The following TBC1D19 variants were observed in gnomAD, a reference collection of about 807,000 sequenced individuals.
TBC1D19 encodes TBC1 domain family member 19.
Under a neutral mutation model 89.0 loss-of-function variants are expected in TBC1D19, and 60 were observed. That is an observed-to-expected ratio of 0.67 (90% confidence interval 0.55 to 0.84). The LOEUF is 0.84. Ranked by LOEUF, TBC1D19 falls within the 40% of genes least tolerant of loss-of-function variation. TBC1D19 has a pLI of 0.00. For synonymous variants in TBC1D19, 189 were observed against 199.7 expected (o/e 0.95, Z 0.45); for missense variants, 500 against 610.8 (o/e 0.82, Z 1.91).
intron 13 of TBC1D19, among the ~76,000 whole-genome samples, chr4:26,698,072 G>A (rs1714972017): frequency 6.6e-6 from 1 of 152,142 alleles, no homozygotes; most frequent in South Asian, 2.1e-4. Flanking sequence ...AAGTCAAATT[G>A]CCCCTGTTTG....
At chr4:26,696,575 A>G (rs1210645372) in intron 13 of TBC1D19, among the ~76,000 whole-genome samples, 1 of 152,156 alleles carries the variant, frequency 6.6e-6, no homozygotes, top group Non-Finnish European at 1.5e-5. Context: ...GCACCACATC[A>G]CACTTATTCC....
chr4:26,703,775 A>C (rs1715513202), intron 13 of TBC1D19, among the ~76,000 whole-genome samples: 1 of 151,698 alleles, frequency 6.6e-6, no homozygotes, highest in Non-Finnish European at 1.5e-5. Flanking sequence ...AACATGGTGA[A>C]ACCCCATCTC....
At chr4:26,839,037 C>T in the TBC1D19 span, among the ~76,000 whole-genome samples, 2 of 152,150 alleles carry the variant, frequency 1.3e-5, no homozygotes, top group South Asian at 2.1e-4. Flanking sequence ...ATTCAACAAT[C>T]GAATGGAGGA....
chr4:26,704,341 T>C (rs1042436656), intron 13 of TBC1D19, among the ~76,000 whole-genome samples: 6 of 152,164 alleles, frequency 3.9e-5, no homozygotes, highest in African/African-American at 1.4e-4. Flanking sequence ...CCAAAGTATA[T>C]AAGATATTCA....
the TBC1D19 span, among the ~76,000 whole-genome samples, chr4:26,794,325 C>A: frequency 2.3e-3 from 354 of 151,020 alleles, 2 homozygotes; most frequent in Non-Finnish European, 3.8e-3. Flanking sequence ...ATTAGTAAGA[C>A]AAAATCAAAC....
chr4:26,731,515 G>A (rs1270990897), intron 15 of TBC1D19, among the ~76,000 whole-genome samples: 1 of 152,130 alleles, frequency 6.6e-6, no homozygotes, highest in Non-Finnish European at 1.5e-5. Context: ...TGACTAGGGA[G>A]GTGGTGAGTC....
chr4:26,761,649 A>C, the TBC1D19 span, among the ~76,000 whole-genome samples: 1 of 152,166 alleles, frequency 6.6e-6, no homozygotes, highest in Admixed American at 6.6e-5. Flanking sequence ...TAAATAAATA[A>C]AATTTTGTTT....
chr4:26,802,833 A>G, the TBC1D19 span, among the ~76,000 whole-genome samples: 1 of 152,244 alleles, frequency 6.6e-6, no homozygotes, highest in African/African-American at 2.4e-5. Context: ...TAAATAACAG[A>G]TACTTATTCC....
At chr4:26,807,846 T>C in the TBC1D19 span, among the ~76,000 whole-genome samples, 1 of 152,228 alleles carries the variant, frequency 6.6e-6, no homozygotes, top group Non-Finnish European at 1.5e-5. Flanking sequence ...GAGGTACCTA[T>C]GCTATGCGAG....
the TBC1D19 span, among the ~76,000 whole-genome samples, chr4:26,823,306 G>A: frequency 5.9e-5 from 9 of 152,246 alleles, no homozygotes; most frequent in African/African-American, 1.2e-4. Flanking sequence ...CCCACAACAC[G>A]TGGGCATTCA....
At chr4:26,770,184 A>T in the TBC1D19 span, among the ~76,000 whole-genome samples, 1 of 152,166 alleles carries the variant, frequency 6.6e-6, no homozygotes, top group South Asian at 2.1e-4. Flanking sequence ...ATTAAAAAAG[A>T]TGAGACCTAC....
At chr4:26,745,618 T>C (rs554697410) in intron 18 of TBC1D19, among the ~76,000 whole-genome samples, 1 of 141,334 alleles carries the variant, frequency 7.1e-6, no homozygotes, top group Admixed American at 7.5e-5. Context: ...GCAATTCCCC[T>C]GCCTCAGCCT....
At chr4:26,741,448 G>T (rs1718372433) in intron 17 of TBC1D19, among the ~76,000 whole-genome samples, 1 of 149,596 alleles carries the variant, frequency 6.7e-6, no homozygotes, top group South Asian at 2.1e-4. Flanking sequence ...CATATTCTAT[G>T]CCATTTTATG....
At chr4:26,630,986 C>G (rs937290444) in intron 4 of TBC1D19, among the ~76,000 whole-genome samples, 1 of 152,014 alleles carries the variant, frequency 6.6e-6, no homozygotes, top group Non-Finnish European at 1.5e-5. Flanking sequence ...TCAGGAAATT[C>G]TATTCCTGTT....
At chr4:26,847,282 T>C in the TBC1D19 span, among the ~76,000 whole-genome samples, 1 of 152,230 alleles carries the variant, frequency 6.6e-6, no homozygotes, top group East Asian at 1.9e-4. Flanking sequence ...ATAAGGGCTA[T>C]GGAGAAGGCC....
At chr4:26,684,603 A>G (rs1007540814) in intron 12 of TBC1D19, among the ~76,000 whole-genome samples, 2 of 152,250 alleles carry the variant, frequency 1.3e-5, no homozygotes, top group African/African-American at 4.8e-5. Context: ...GGTCTGGTGT[A>G]GCTAACACTT....
chr4:26,674,656 T>G (rs1712627851), intron 11 of TBC1D19, among the ~76,000 whole-genome samples: 1 of 152,042 alleles, frequency 6.6e-6, no homozygotes. Flanking sequence ...GTACTTAAAT[T>G]TCTTCAAACC....
chr4:26,828,891 A>G, the TBC1D19 span, among the ~76,000 whole-genome samples: 4 of 152,210 alleles, frequency 2.6e-5, no homozygotes, highest in Non-Finnish European at 5.9e-5. Context: ...ATTTTACTGG[A>G]CTGTTTTAGA....
chr4:26,844,357 C>G, the TBC1D19 span, among the ~76,000 whole-genome samples: 1 of 152,134 alleles, frequency 6.6e-6, no homozygotes, highest in Non-Finnish European at 1.5e-5. Context: ...AATTTTAGAT[C>G]GTCAAATAAA....
Sources: gnomAD v4.1 joint callset for allele counts (sites outside exome capture counted in the v4.1 genomes callset) on GRCh38, gnomAD v4.1.1 for gene constraint, MANE v1.5 for transcripts, NCBI Gene and HGNC (gene_info 2026-07-23, HGNC 2026-07-21) for gene names.